NR2E1: variants seen among roughly 807,000 people sequenced by gnomAD.
NR2E1 encodes nuclear receptor TLX.
In NR2E1, 5 loss-of-function variants were observed where a neutral mutation model predicts 43.6. That is an observed-to-expected ratio of 0.11 (90% CI 0.06 to 0.24). The LOEUF (loss-of-function observed/expected upper bound fraction) is 0.24, where lower values mean the gene tolerates loss of function less well. Among genes scored for constraint, NR2E1 ranks in the 10% least tolerant of loss-of-function variants. NR2E1 has a pLI of 1.00. For synonymous variants in NR2E1, 191 were observed against 195.5 expected (o/e 0.98, Z 0.19); for missense variants, 287 against 496.7 (o/e 0.58, Z 4.01).
At chr6:108,172,908 G>A (rs557667952) in intron 2 of NR2E1, among the ~76,000 whole-genome samples, 9 of 152,282 alleles carry the variant, frequency 5.9e-5, no homozygotes, top group East Asian at 1.9e-4. Context: ...TACACGCATA[G>A]GACTGTATCC....
chr6:108,187,630 C>T lies in NR2E1; in HGVS notation c.*167C>T, dbSNP rs1441372206. 4 of 724,320 alleles carry T rather than the reference C, an allele frequency of 5.5e-6. No homozygotes were observed. The African/African-American group carries it at 7.0e-5, about 13-fold the overall frequency. The allele number at this position is 724,320 out of a possible 1,614,324, so 44.9% of individuals were successfully genotyped here. A position where few individuals can be genotyped will look rare whatever the true frequency, so the allele number is the denominator to read the frequency against. On this transcript the variant is annotated 3_prime_UTR_variant, in exon 9 of 9. Transcript: ENST00000368986. ...AAAGCATTCCAGTAGCTATGACCTG[C>T]CGCCCTGACCAGGATAGGGCGGGTG...
At chr6:108,176,846 T>G (rs958717691) in intron 4 of NR2E1, 108 bp downstream of exon 4, 31 of 1,085,986 alleles carry the variant, frequency 2.9e-5, no homozygotes, top group Non-Finnish European at 4.0e-5. Context: ...GGGAGAGAAC[T>G]CCAGGGTGCT....
Position 108,187,628 on chromosome 6 carries a change from T to A in NR2E1, c.*165T>A. 1.4e-6 allele frequency: 1 copy of A among 739,666 alleles called. No homozygotes were observed. Among genetic ancestry groups the A allele is most frequent in the Admixed American group, 2.1e-5 (1 of 48,594 alleles). The allele number at this position is 739,666 out of a possible 1,614,324, so 45.8% of individuals were successfully genotyped here. A position where few individuals can be genotyped will look rare whatever the true frequency, so the allele number is the denominator to read the frequency against. ...ACAAAGCATTCCAGTAGCTATGACC[T>A]GCCGCCCTGACCAGGATAGGGCGGG... On this transcript the variant is annotated 3_prime_UTR_variant, in exon 9 of 9. Coordinates refer to ENST00000368986, the MANE Select transcript of NR2E1 (RefSeq NM_003269.5).
Position 108,187,391 on chromosome 6 carries a change from T to C in NR2E1, c.1086T>C (p.Phe362=). 2 of 1,614,222 alleles carry C rather than the reference T, an allele frequency of 1.2e-6. No individual in the cohort carries two copies. Among genetic ancestry groups the C allele is most frequent in the South Asian group, 2.2e-5 (2 of 91,080 alleles). The change falls in exon 9 of 9, where the codon TTT becomes TTC. Residue 362 remains phenylalanine, a synonymous_variant. Coordinates refer to ENST00000368986, the MANE Select transcript of NR2E1 (RefSeq NM_003269.5). ...SISPSTIEEV[F]FKKTIGNVPI... ...GCCCATCAACTATAGAAGAAGTGTT[T>C]TTCAAAAAAACCATCGGCAATGTGC...
intron 7 of NR2E1, 81 bp downstream of exon 7, chr6:108,181,037 G>A (rs1773976301): frequency 2.1e-6 from 3 of 1,450,336 alleles, no homozygotes; most frequent in African/African-American, 2.8e-5. Flanking sequence ...AGTCTGAACT[G>A]ACCTTTGCAA....
At chr6:108,184,257 AACTG>A (rs1774039971) in intron 8 of NR2E1, among the ~76,000 whole-genome samples, 2 of 152,152 alleles carry the variant, frequency 1.3e-5, no homozygotes, top group Admixed American at 1.3e-4. Flanking sequence ...TGTATGTCCT[AACTG>A]ACCTTTGACA....
Position 108,176,660 on chromosome 6 carries a change from G to T in NR2E1, c.417G>T (p.Pro139=), listed in dbSNP as rs755004862. Residue 139 remains proline (P), a synonymous_variant, in exon 4 of 9, where the codon CCG becomes CCT. Coordinates refer to ENST00000368986, the MANE Select transcript of NR2E1 (RefSeq NM_003269.5). ...TCACCGCGGTCACGCAGCTGGAGCCGCACGGCCTGGAGCTGGCCGCGGTGT... is the reference window on the plus strand; with the variant it reads ...TCACCGCGGTCACGCAGCTGGAGCCTCACGGCCTGGAGCTGGCCGCGGTGT... ...AFFTAVTQLE[P]HGLELAAVST... The T allele has an allele frequency of 6.2e-7, 1 of 1,604,968 alleles. No homozygotes were observed. Among genetic ancestry groups the T allele is most frequent in the Non-Finnish European group, 8.5e-7 (1 of 1,177,928 alleles).
chr6:108,181,647 A>G lies in NR2E1; in HGVS notation c.991A>G (p.Thr331Ala), dbSNP rs1321667047. 6 of 1,613,564 alleles carry G rather than the reference A, an allele frequency of 3.7e-6. No individual in the cohort carries two copies. In the Admixed American group the frequency reaches 6.7e-5, roughly 18 times the overall value. The change falls in exon 8 of 9, where the codon ACC (threonine) becomes GCC (alanine). Residue 331 changes from threonine (T) to alanine (A), a missense_variant. Thr to Ala is a moderately conservative substitution (Grantham distance 58). Transcript: ENST00000368986. ...AQLTLNSYIH[T>A]RYPTQPCRFG... ...GCTAACGCTCAACAGCTACATCCAT[A>G]CCAGGTGACCCTTGTTTGCCTTGAA...
chr6:108,186,668 T>C (rs1774080867), intron 8 of NR2E1, among the ~76,000 whole-genome samples: 1 of 152,224 alleles, frequency 6.6e-6, no homozygotes, highest in South Asian at 2.1e-4. Context: ...AGCACAGATA[T>C]ATGTTGGACA....
At chr6:108,184,647 G>A (rs1415780709) in intron 8 of NR2E1, among the ~76,000 whole-genome samples, 1 of 149,836 alleles carries the variant, frequency 6.7e-6, no homozygotes, top group Admixed American at 6.6e-5. Flanking sequence ...GGAGCTGGTA[G>A]GGGTCCTGTG....
rs141919538 is a variant in NR2E1 at position 108,166,985 on chromosome 6, G to A, written c.25+195G>A. On this transcript the variant is annotated intron_variant, in intron 1 of 8. Coordinates refer to ENST00000368986, the MANE Select transcript of NR2E1 (RefSeq NM_003269.5). The surrounding 1 kb of genome is among the most constrained non-coding windows in gnomAD (Gnocchi z 7.2). ...GTGGAGAGGGGAGAGCCGTTTCGTT[G>A]CCTCTGGATTGCTTGATCCCCCCTG... Among the ~76,000 whole-genome samples the A allele has an allele frequency of 2.9e-4, 44 of 152,246 alleles. No individual in the cohort carries two copies. Among genetic ancestry groups the A allele is most frequent in the Admixed American group, 5.2e-4 (8 of 15,300 alleles).
chr6:108,173,448 T>C (rs1773844179), intron 2 of NR2E1, among the ~76,000 whole-genome samples: 1 of 152,244 alleles, frequency 6.6e-6, no homozygotes, highest in African/African-American at 2.4e-5. Context: ...GATTAAATTA[T>C]ATTCCAATTT....
chr6:108,167,264 G>A (rs1398716998), intron 1 of NR2E1, among the ~76,000 whole-genome samples: 1 of 152,208 alleles, frequency 6.6e-6, no homozygotes, highest in Non-Finnish European at 1.5e-5. Flanking sequence ...AAACTGGGAA[G>A]CAGAAACAAT....
intron 7 of NR2E1, 127 bp downstream of exon 7, chr6:108,181,083 T>C (rs1773977035): frequency 2.0e-6 from 2 of 1,011,208 alleles, no homozygotes; most frequent in Non-Finnish European, 3.1e-6. Flanking sequence ...CTGATACTCT[T>C]AATCTGGCCC....
chr6:108,171,336 C>T, intron 1 of NR2E1, 122 bp from the exon 2 acceptor site: 1 of 1,107,206 alleles, frequency 9.0e-7, no homozygotes, highest in Non-Finnish European at 1.4e-6. Context: ...AGCTTCGGTG[C>T]TAATCCCTTC....
rs2233488 is a variant in NR2E1 at position 108,166,566 on chromosome 6, G to C, written c.-200G>C. 0.041 allele frequency: 21,427 copies of C among 518,190 alleles called. 695 individuals carry two copies. Among genetic ancestry groups the C allele is most frequent in the South Asian group, 0.1 (3,552 of 35,424 alleles). The allele number at this position is 518,190 out of a possible 1,614,324, so 32.1% of individuals were successfully genotyped here. A position where few individuals can be genotyped will look rare whatever the true frequency, so the allele number is the denominator to read the frequency against. On this transcript the variant is annotated 5_prime_UTR_variant, in exon 1 of 9. Transcript: ENST00000368986. This position sits in a 1 kb window ranked among gnomAD's most constrained non-coding sequence, Gnocchi z 7.2. ...TTGCAAGAGCCGGGAAGAAACTTAAGGATGCTTAAATTTCCACTGTTGGAC... is the reference window on the plus strand; with the variant it reads ...TTGCAAGAGCCGGGAAGAAACTTAACGATGCTTAAATTTCCACTGTTGGAC...
At position 108,180,428 on chromosome 6, in the gene NR2E1, T is replaced by C; in HGVS notation, c.739+9T>C. The C allele has an allele frequency of 1.9e-6, 3 of 1,555,838 alleles. No individual in the cohort carries two copies. Among genetic ancestry groups the C allele is most frequent in the Non-Finnish European group, 2.7e-6 (3 of 1,126,968 alleles). ...TCTACTGGCTGTATCTGGTAAGAAT[T>C]GCACAATTTAATGACTTTGTTGTAG... is the stretch of plus-strand genomic sequence containing the variant. On this transcript the variant is annotated intron_variant, in intron 6 of 8. Coordinates refer to ENST00000368986, the MANE Select transcript of NR2E1 (RefSeq NM_003269.5). The surrounding 1 kb of genome is among the most constrained non-coding windows in gnomAD (Gnocchi z 5.4).
chr6:108,170,612 A>T (rs983589615), intron 1 of NR2E1, among the ~76,000 whole-genome samples: 2 of 151,884 alleles, frequency 1.3e-5, no homozygotes, highest in Non-Finnish European at 2.9e-5. Flanking sequence ...TTTAAAAAAA[A>T]ATCAGGCTCA....
chr6:108,169,379 C>T lies in NR2E1; in HGVS notation c.26-2079C>T, dbSNP rs1238828374. On this transcript the variant is annotated intron_variant, in intron 1 of 8. Transcript: ENST00000368986. The surrounding 1 kb of genome is among the most constrained non-coding windows in gnomAD (Gnocchi z 6.1). ...GCACTGGTCTTCCCTCCACCCTCATCGGGTTCTCCAGAGATGTTGTCATGG... is the reference window on the plus strand; with the variant it reads ...GCACTGGTCTTCCCTCCACCCTCATTGGGTTCTCCAGAGATGTTGTCATGG... Among the ~76,000 whole-genome samples, 1 of 152,216 alleles carries T rather than the reference C, an allele frequency of 6.6e-6. No homozygotes were observed. Among genetic ancestry groups the T allele is most frequent in the African/African-American group, 2.4e-5 (1 of 41,458 alleles).
Sources: gnomAD v4.1 joint callset for allele counts (sites outside exome capture counted in the v4.1 genomes callset) on GRCh38, gnomAD v4.1.1 for gene constraint, Gnocchi (gnomAD v3.1) non-coding constraint, MANE v1.5 for transcripts, NCBI Gene and HGNC (gene_info 2026-07-23, HGNC 2026-07-21) for gene names.